The following TTC17 variants were observed in gnomAD, a reference collection of about 807,000 sequenced individuals.
The protein encoded by TTC17 is tetratricopeptide repeat domain 17, also known as tetratricopeptide repeat protein 17.
TTC17 carries 58 observed loss-of-function variants against 143.8 expected under a neutral mutation model. The observed-to-expected ratio is 0.40, with a 90% CI of 0.33 to 0.50. The LOEUF (loss-of-function observed/expected upper bound fraction) is 0.50, where lower values mean the gene tolerates loss of function less well. Ranked by LOEUF, TTC17 falls within the 20% of genes least tolerant of loss-of-function variation. The pLI, the probability that TTC17 is intolerant of heterozygous loss-of-function variation, is 0.49. For missense variants in TTC17, 1,273 were observed against 1,392.5 expected, an observed-to-expected ratio of 0.91 and a Z score of 1.37; for synonymous variants, 501 against 497.8, an observed-to-expected ratio of 1.01 and a Z score of -0.09.
rs200016656 is a variant in TTC17, at chr11:43,414,572, A to AT, written c.2065-9dup. ...ATATTAGTTCATTAACATTTTGCCGATTTTTTTTTCTTTTCAGCCTCTGAC... is the reference window on the plus strand; with the variant it reads ...ATATTAGTTCATTAACATTTTGCCGATTTTTTTTTTCTTTTCAGCCTCTGAC... On this transcript the variant is annotated splice_polypyrimidine_tract_variant and intron_variant, in intron 15 of 23. Coordinates refer to ENST00000039989, the MANE Select transcript of TTC17 (RefSeq NM_018259.6). The AT allele has an allele frequency of 4.6e-4, 715 of 1,568,508 alleles. 1 individual carries two copies. The highest frequency in any genetic ancestry group is 3.7e-3 in the African/African-American group (271 of 72,552).
intron 2 of TTC17, among the ~76,000 whole-genome samples, chr11:43,386,324 A>G (rs376155612): frequency 3.9e-5 from 6 of 152,362 alleles, no homozygotes; most frequent in African/African-American, 1.4e-4. Context: ...TGGGAACATC[A>G]TAGAGTGTAC....
chr11:43,405,562 T>C lies in TTC17; in HGVS notation c.1528T>C (p.Tyr510His). 1 of 1,614,012 alleles carries C rather than the reference T, an allele frequency of 6.2e-7. No homozygotes were observed. The highest frequency in any genetic ancestry group is 1.6e-4 in the Middle Eastern group (1 of 6,062). ...TAAAAGAGCAGATTGTACAGAAAGCTACCCTAGAGTCCCTGTTGGTGGGGA... is the reference window on the plus strand; with the variant it reads ...TAAAAGAGCAGATTGTACAGAAAGCCACCCTAGAGTCCCTGTTGGTGGGGA... ...WPKRADCTES[Y>H]PRVPVGGELP... The change falls in exon 12 of 24, where the codon TAC becomes CAC. Residue 510 changes from tyrosine to histidine, a missense_variant. Tyr to His is a moderately conservative substitution (Grantham distance 83). This residue lies in a region of TTC17 where 878 missense variants were observed against 899.8 expected (regional missense o/e 0.98). Transcript: ENST00000039989.
At chr11:43,405,478 C>T in intron 11 of TTC17, 36 bp from the exon 12 acceptor site, 7 of 1,512,738 alleles carry the variant, frequency 4.6e-6, no homozygotes, top group South Asian at 1.2e-5. Flanking sequence ...ATATTGAATC[C>T]AAAGAAATTT....
chr11:43,482,796 G>GGAA (rs1281772829), intron 21 of TTC17, among the ~76,000 whole-genome samples: 18 of 151,922 alleles, frequency 1.2e-4, no homozygotes, highest in African/African-American at 4.4e-4. Context: ...TTATGAATTT[G>GGAA]CTTGTATCTT....
chr11:43,406,021 C>T (rs922300224), intron 13 of TTC17, 70 bp downstream of exon 13: 91 of 1,493,934 alleles, frequency 6.1e-5, no homozygotes, highest in Middle Eastern at 1.8e-4. Context: ...TTAAATGGAA[C>T]AAAAAATTGA....
At chr11:43,436,678 C>T (rs1015790502) in intron 16 of TTC17, among the ~76,000 whole-genome samples, 6 of 152,148 alleles carry the variant, frequency 3.9e-5, no homozygotes, top group African/African-American at 9.7e-5. Context: ...ACCTATTACG[C>T]CCTCTCCTAA....
chr11:43,461,554 T>A, intron 21 of TTC17, among the ~76,000 whole-genome samples: 1 of 152,074 alleles, frequency 6.6e-6, no homozygotes, highest in East Asian at 1.9e-4. Context: ...CAGAGACAAT[T>A]TGGCACCAGT....
At chr11:43,440,643 C>G (rs1947395721) in intron 16 of TTC17, among the ~76,000 whole-genome samples, 1 of 152,122 alleles carries the variant, frequency 6.6e-6, no homozygotes, top group Non-Finnish European at 1.5e-5. Context: ...CTTCTGTCTT[C>G]TCTTTCCTTG....
chr11:43,394,236 G>A (rs1321096067), intron 5 of TTC17, among the ~76,000 whole-genome samples: 1 of 152,246 alleles, frequency 6.6e-6, no homozygotes, highest in African/African-American at 2.4e-5. Context: ...TGAAGCCAGA[G>A]AAGTAGGCCA....
At chr11:43,392,682 A>G (rs1202862736) in intron 5 of TTC17, among the ~76,000 whole-genome samples, 1 of 152,224 alleles carries the variant, frequency 6.6e-6, no homozygotes, top group Non-Finnish European at 1.5e-5. Flanking sequence ...CTGTGTTACC[A>G]TCTTCATCTT....
chr11:43,361,447 G>C (rs1856100833), intron 1 of TTC17, among the ~76,000 whole-genome samples: 1 of 152,176 alleles, frequency 6.6e-6, no homozygotes, highest in Non-Finnish European at 1.5e-5. Flanking sequence ...AAACATTGTA[G>C]CTTAGCCTAA....
At chr11:43,382,735 A>G (rs567173447) in intron 2 of TTC17, among the ~76,000 whole-genome samples, 37 of 152,332 alleles carry the variant, frequency 2.4e-4, no homozygotes, top group African/African-American at 8.7e-4. Flanking sequence ...TGACACAAAA[A>G]GATTATTACT....
chr11:43,463,175 A>T (rs941359419), intron 21 of TTC17, among the ~76,000 whole-genome samples: 7 of 151,988 alleles, frequency 4.6e-5, no homozygotes, highest in Non-Finnish European at 1.0e-4. Flanking sequence ...CAGCCTCACA[A>T]ATTGCTGGGA....
chr11:43,434,221 AC>A, intron 16 of TTC17, among the ~76,000 whole-genome samples: 1 of 80,428 alleles, frequency 1.2e-5, no homozygotes, highest in Non-Finnish European at 2.8e-5. Flanking sequence ...ACACACACAC[AC>A]ACACACACAC....
chr11:43,375,002 A>T (rs1315368512), intron 1 of TTC17, among the ~76,000 whole-genome samples: 1 of 152,234 alleles, frequency 6.6e-6, no homozygotes, highest in Non-Finnish European at 1.5e-5. Flanking sequence ...TAACACATCA[A>T]TACTTTCTGT....
intron 1 of TTC17, among the ~76,000 whole-genome samples, chr11:43,361,695 T>C (rs1325359165): frequency 1.3e-5 from 2 of 152,242 alleles, no homozygotes; most frequent in Non-Finnish European, 2.9e-5. Context: ...GGGGACCATC[T>C]GTATACTTTG....
intron 10 of TTC17, among the ~76,000 whole-genome samples, chr11:43,403,656 T>C (rs1462345049): frequency 6.6e-6 from 1 of 152,106 alleles, no homozygotes; most frequent in Admixed American, 6.6e-5. Flanking sequence ...AGCATTTTAG[T>C]GTAGGAAGAA....
chr11:43,386,455 G>C (rs1483656854), intron 2 of TTC17, among the ~76,000 whole-genome samples: 2 of 152,104 alleles, frequency 1.3e-5, no homozygotes, highest in African/African-American at 4.8e-5. Context: ...GTAAAAATGT[G>C]GTATTATAAT....
At chr11:43,483,374 A>G (rs549297059) in intron 21 of TTC17, among the ~76,000 whole-genome samples, 2 of 152,150 alleles carry the variant, frequency 1.3e-5, no homozygotes, top group South Asian at 4.1e-4. Context: ...CATTATGAGA[A>G]AGAAAAATAA....
Sources: gnomAD v4.1 joint callset for allele counts (sites outside exome capture counted in the v4.1 genomes callset) on GRCh38, gnomAD v4.1.1 for gene constraint, gnomAD v4.1.1 regional missense constraint, MANE v1.5 for transcripts, NCBI Gene and HGNC (gene_info 2026-07-23, HGNC 2026-07-21) for gene names.